Variants in CNOT4 observed in about 807,000 individuals in gnomAD.
The protein encoded by CNOT4 is CCR4-associated factor 4.
In CNOT4, 8 loss-of-function variants were observed where a neutral mutation model predicts 73.8. That is an observed-to-expected ratio of 0.11 (90% CI 0.06 to 0.20). The LOEUF is 0.20. Among genes scored for constraint, CNOT4 ranks in the 10% least tolerant of loss-of-function variants. The probability of loss-of-function intolerance (pLI) is 1.00; values close to 1 mark genes in which losing one functional copy is unlikely to be tolerated. For missense variants in CNOT4, 564 were observed against 883.4 expected (o/e 0.64, Z 4.58); for synonymous variants, 293 against 321.1 (o/e 0.91, Z 0.94).
intron 1 of CNOT4, among the ~76,000 whole-genome samples, chr7:135,503,012 G>A (rs189488419): frequency 4.0e-4 from 61 of 151,938 alleles, no homozygotes; most frequent in African/African-American, 1.4e-3. Context: ...AATTAGCTGG[G>A]CATGGTGGCA....
chr7:135,362,956 G>A lies in CNOT4; in HGVS notation c.2071C>T (p.Gln691Ter). The A allele has an allele frequency of 6.2e-7, 1 of 1,613,374 alleles. No homozygotes were observed. The highest frequency in any genetic ancestry group is 8.5e-7 in the Non-Finnish European group (1 of 1,179,628). The change falls in exon 12 of 12, where the codon CAG becomes TAG. Residue 691 changes from glutamine to a stop codon, truncating the protein, a stop_gained. Transcript: ENST00000541284. LOFTEE classifies it high-confidence loss of function. ...SSFHSPPPGF[Q>*]TAFRPPSKTP... ...TTGCTGGGGGGTCTGAAGGCTGTCTGAAAGCCTGGGGGTGGGGAGTGGAAG... is the reference window on the plus strand; with the variant it reads ...TTGCTGGGGGGTCTGAAGGCTGTCTAAAAGCCTGGGGGTGGGGAGTGGAAG...
chr7:135,499,644 G>T (rs1423272263), intron 1 of CNOT4, among the ~76,000 whole-genome samples: 1 of 151,852 alleles, frequency 6.6e-6, no homozygotes, highest in Non-Finnish European at 1.5e-5. Flanking sequence ...ATACTCCAAG[G>T]GATTAAATAC....
intron 7 of CNOT4, among the ~76,000 whole-genome samples, chr7:135,402,477 TAC>T (rs1797052526): frequency 6.6e-6 from 1 of 152,166 alleles, no homozygotes; most frequent in African/African-American, 2.4e-5. Flanking sequence ...CTTTTTAAAA[TAC>T]ATATATGCAC....
chr7:135,473,227 T>C (rs911668036), intron 1 of CNOT4, among the ~76,000 whole-genome samples: 2 of 152,178 alleles, frequency 1.3e-5, no homozygotes, highest in Non-Finnish European at 2.9e-5. Context: ...GTATTCCTTA[T>C]TTTCTAATAA....
At chr7:135,404,265 T>C (rs1018940918) in intron 7 of CNOT4, among the ~76,000 whole-genome samples, 16 of 152,000 alleles carry the variant, frequency 1.1e-4, no homozygotes, top group African/African-American at 3.9e-4. Flanking sequence ...TATAAAATCT[T>C]AGCAAACTTT....
At chr7:135,438,487 A>G (rs1212807521) in intron 1 of CNOT4, 64 bp from the exon 2 acceptor site, 2 of 483,140 alleles carry the variant, frequency 4.1e-6, no homozygotes, top group African/African-American at 4.0e-5. Context: ...AACAATTAAG[A>G]GTCACACTGT....
intron 9 of CNOT4, among the ~76,000 whole-genome samples, chr7:135,395,421 T>C (rs1796623759): frequency 6.6e-6 from 1 of 152,122 alleles, no homozygotes; most frequent in South Asian, 2.1e-4. Context: ...ATATAACCCT[T>C]TACTTCTGGA....
chr7:135,413,505 T>A lies in CNOT4; in HGVS notation c.670A>T (p.Thr224Ser). The change falls in exon 6 of 12, where the codon ACA becomes TCA. Residue 224 changes from threonine (T) to serine (S), a missense_variant. Around this residue, in one of 10 missense-constraint regions of CNOT4, gnomAD observed 14 missense variants for 69.5 expected, o/e 0.20. Coordinates refer to ENST00000541284, the MANE Select transcript of CNOT4 (RefSeq NM_001190850.2). Reference protein sequence around the residue: ...HELGDEAASFTKEEMQAGKHQ... With the variant: ...HELGDEAASFSKEEMQAGKHQ... The stretch of plus-strand genomic sequence containing the variant: ...TTTACTACCTGCATTTCCTCTTTTG[T>A]GAAGCTGGCCGCCTCATCCCCCAAT... 6.2e-7 allele frequency: 1 copy of A among 1,611,966 alleles called. No individual in the cohort carries two copies. The highest frequency in any genetic ancestry group is 8.5e-7 in the Non-Finnish European group (1 of 1,178,468).
intron 1 of CNOT4, among the ~76,000 whole-genome samples, chr7:135,442,153 A>C (rs1799516758): frequency 6.6e-6 from 1 of 152,244 alleles, no homozygotes; most frequent in South Asian, 2.1e-4. Context: ...GGGAATTTCA[A>C]GTACAGAGCA....
At chr7:135,484,650 G>A (rs1802603868) in intron 1 of CNOT4, among the ~76,000 whole-genome samples, 1 of 151,640 alleles carries the variant, frequency 6.6e-6, no homozygotes, top group African/African-American at 2.4e-5. Context: ...AACTACTTGG[G>A]AGGCTGAGAC....
intron 1 of CNOT4, chr7:135,444,572 C>T (rs1585653166): frequency 4.4e-6 from 6 of 1,372,660 alleles, no homozygotes; most frequent in Non-Finnish European, 6.2e-6. Context: ...ACCGACCTAT[C>T]CCAGAATGAT....
intron 7 of CNOT4, among the ~76,000 whole-genome samples, chr7:135,401,550 G>A (rs962788943): frequency 6.6e-6 from 1 of 152,040 alleles, no homozygotes; most frequent in African/African-American, 2.4e-5. Context: ...CTAAAGTTTT[G>A]TTGTTCATTC....
In CNOT4 at chr7:135,362,669, A is replaced by G; in HGVS notation, c.*216T>C. 1.5e-6 allele frequency: 1 copy of G among 685,082 alleles called. No individual in the cohort carries two copies. The highest frequency in any genetic ancestry group is 2.7e-6 in the Non-Finnish European group (1 of 376,892). 42.4% of individuals were successfully genotyped at this position (685,082 alleles called of 1,614,324 possible). A position where few individuals can be genotyped will look rare whatever the true frequency, so the allele number is the denominator to read the frequency against. ...ATTTTTAGAAACATTCAACAGTGTCACTCAAATGCTGGATCAACAAAAATT... is the reference window on the plus strand; with the variant it reads ...ATTTTTAGAAACATTCAACAGTGTCGCTCAAATGCTGGATCAACAAAAATT... On this transcript the variant is annotated 3_prime_UTR_variant, in exon 12 of 12. Coordinates refer to ENST00000541284, the MANE Select transcript of CNOT4 (RefSeq NM_001190850.2).
chr7:135,426,784 G>T (rs905776779), intron 2 of CNOT4, among the ~76,000 whole-genome samples: 1 of 151,664 alleles, frequency 6.6e-6, no homozygotes, highest in South Asian at 2.1e-4. Flanking sequence ...TGAGCCAGGC[G>T]TGATGGCAGG....
At chr7:135,405,343 C>G (rs1029759530) in intron 7 of CNOT4, among the ~76,000 whole-genome samples, 1 of 152,154 alleles carries the variant, frequency 6.6e-6, no homozygotes, top group African/African-American at 2.4e-5. Context: ...AAGTCATAAC[C>G]ATTTACACCG....
intron 3 of CNOT4, among the ~76,000 whole-genome samples, chr7:135,419,374 GT>G (rs1798052188): frequency 6.6e-6 from 1 of 152,048 alleles, no homozygotes; most frequent in Non-Finnish European, 1.5e-5. Flanking sequence ...CTTCTTTTGA[GT>G]TTTCGAGTGA....
chr7:135,478,633 G>A (rs1802149884), intron 1 of CNOT4, among the ~76,000 whole-genome samples: 1 of 152,122 alleles, frequency 6.6e-6, no homozygotes, highest in Non-Finnish European at 1.5e-5. Flanking sequence ...GCCCCAGGAG[G>A]TGGAGGTTGC....
intron 1 of CNOT4, among the ~76,000 whole-genome samples, chr7:135,490,749 T>G (rs888314035): frequency 6.6e-6 from 1 of 152,212 alleles, no homozygotes; most frequent in Non-Finnish European, 1.5e-5. Flanking sequence ...TATCAACTCA[T>G]GAAACTTCTT....
At chr7:135,387,965 C>T in intron 10 of CNOT4, 1 of 976,238 alleles carries the variant, frequency 1.0e-6, no homozygotes, top group Non-Finnish European at 1.2e-6. Flanking sequence ...AAACAATATC[C>T]CACAGAATTA....
Sources: gnomAD v4.1 joint callset for allele counts (sites outside exome capture counted in the v4.1 genomes callset) on GRCh38, gnomAD v4.1.1 for gene constraint, gnomAD v4.1.1 regional missense constraint, MANE v1.5 for transcripts, NCBI Gene and HGNC (gene_info 2026-07-23, HGNC 2026-07-21) for gene names.